The following MICU3 variants were observed in gnomAD, a reference collection of about 807,000 sequenced individuals.
The protein encoded by MICU3 is mitochondrial calcium uptake 3.
Under a neutral mutation model 66.5 loss-of-function variants are expected in MICU3, and 62 were observed. That is an observed-to-expected ratio of 0.93 (90% confidence interval 0.76 to 1.15). The LOEUF is 1.15. MICU3 is among the 50% of genes most tolerant of loss of function. MICU3 has a pLI of 0.00. For synonymous variants in MICU3, 308 were observed against 240.7 expected (o/e 1.28, Z -2.59); for missense variants, 779 against 664.4 (o/e 1.17, Z -1.90).
chr8:17,136,789 G>A, the MICU3 span, among the ~76,000 whole-genome samples: 1 of 151,946 alleles, frequency 6.6e-6, no homozygotes, highest in Non-Finnish European at 1.5e-5. Flanking sequence ...CAGTGCCGTG[G>A]TGCAGAGGCT....
intron 9 of MICU3, among the ~76,000 whole-genome samples, chr8:17,099,557 CTA>C (rs760640804): frequency 2.6e-5 from 4 of 151,656 alleles, no homozygotes; most frequent in Non-Finnish European, 5.9e-5. Context: ...GTATTTTGTC[CTA>C]TGTTTAATAT....
intron 1 of MICU3, among the ~76,000 whole-genome samples, chr8:17,047,690 T>A (rs533258193): frequency 6.6e-6 from 1 of 152,128 alleles, no homozygotes; most frequent in Admixed American, 6.5e-5. Flanking sequence ...TGAGAGAAAA[T>A]AACTGCCACT....
intron 8 of MICU3, among the ~76,000 whole-genome samples, chr8:17,096,978 TG>T (rs1800770361): frequency 1.3e-5 from 2 of 151,180 alleles, no homozygotes; most frequent in Admixed American, 6.6e-5. Context: ...TGTGTGTGTG[TG>T]TGTGTGTGTG....
chr8:17,051,803 T>C (rs564619659), intron 1 of MICU3, among the ~76,000 whole-genome samples: 11 of 151,824 alleles, frequency 7.2e-5, no homozygotes, highest in African/African-American at 2.7e-4. Context: ...CAAAAGAGAA[T>C]GAGAGGAAAT....
chr8:17,084,513 AGATC>A (rs1283829872), intron 5 of MICU3, among the ~76,000 whole-genome samples: 1 of 152,034 alleles, frequency 6.6e-6, no homozygotes, highest in Non-Finnish European at 1.5e-5. Context: ...TCAAAAGAAA[AGATC>A]CAGTGTTTTG....
chr8:17,105,237 G>A (rs1460738006), intron 10 of MICU3, among the ~76,000 whole-genome samples, 176 bp from the exon 11 acceptor site: 1 of 151,964 alleles, frequency 6.6e-6, no homozygotes, highest in Non-Finnish European at 1.5e-5. Context: ...TCATTAAGTA[G>A]TAAAGCGATC....
chr8:17,056,312 G>C (rs1379551690), intron 1 of MICU3, among the ~76,000 whole-genome samples: 2 of 151,992 alleles, frequency 1.3e-5, no homozygotes, highest in African/African-American at 4.8e-5. Context: ...TCTATTCCTG[G>C]CTGAGGTTCA....
intron 8 of MICU3, among the ~76,000 whole-genome samples, chr8:17,097,221 G>A (rs1296211622): frequency 6.6e-6 from 1 of 151,620 alleles, no homozygotes; most frequent in Non-Finnish European, 1.5e-5. Context: ...GATCTAGCTA[G>A]TATTTATTGA....
At chr8:17,052,185 A>G (rs561785128) in intron 1 of MICU3, among the ~76,000 whole-genome samples, 1 of 152,298 alleles carries the variant, frequency 6.6e-6, no homozygotes, top group South Asian at 2.1e-4. Flanking sequence ...CTACTATAAT[A>G]ATACAAGTAG....
intron 1 of MICU3, among the ~76,000 whole-genome samples, chr8:17,037,343 C>T (rs1202300257): frequency 1.3e-5 from 2 of 152,196 alleles, no homozygotes; most frequent in South Asian, 2.1e-4. Context: ...CGAGAGCGAG[C>T]GAGGACTGTG....
intron 1 of MICU3, among the ~76,000 whole-genome samples, chr8:17,048,504 C>T (rs1452103973): frequency 1.3e-5 from 2 of 152,130 alleles, no homozygotes; most frequent in Non-Finnish European, 2.9e-5. Flanking sequence ...AGACCCACCC[C>T]CATGATTCAG....
intron 4 of MICU3, among the ~76,000 whole-genome samples, chr8:17,080,152 G>A (rs545466743): frequency 6.6e-6 from 1 of 151,714 alleles, no homozygotes; most frequent in Non-Finnish European, 1.5e-5. Flanking sequence ...TATTCTGTTT[G>A]TATAATTGGA....
intron 1 of MICU3, among the ~76,000 whole-genome samples, chr8:17,046,888 T>G (rs1815189241): frequency 6.6e-6 from 1 of 151,876 alleles, no homozygotes; most frequent in Non-Finnish European, 1.5e-5. Flanking sequence ...GGGTTAGAAG[T>G]TACATTACCC....
At chr8:17,133,128 A>T in the MICU3 span, 2 of 152,256 alleles carry the variant, frequency 1.3e-5, no homozygotes, top group Non-Finnish European at 2.9e-5. Context: ...TTGTTATAGC[A>T]GCTGAAACAG....
At chr8:17,030,740 C>G (rs1811879958) in intron 1 of MICU3, among the ~76,000 whole-genome samples, 1 of 152,124 alleles carries the variant, frequency 6.6e-6, no homozygotes, top group African/African-American at 2.4e-5. Flanking sequence ...GCTTTTAGCC[C>G]AACTACTTAC....
chr8:17,094,129 T>G (rs960473393), intron 8 of MICU3, among the ~76,000 whole-genome samples: 2 of 151,994 alleles, frequency 1.3e-5, no homozygotes, highest in African/African-American at 4.8e-5. Context: ...TACCCCTTTT[T>G]GTACTTTATG....
At chr8:17,098,096 A>C (rs922227826) in intron 8 of MICU3, among the ~76,000 whole-genome samples, 24 of 151,948 alleles carry the variant, frequency 1.6e-4, no homozygotes, top group African/African-American at 5.8e-4. Flanking sequence ...AAAGTTACCA[A>C]AATTTTTCCC....
chr8:17,063,985 C>T (rs1818278665), intron 1 of MICU3, 99 bp from the exon 2 acceptor site: 3 of 781,496 alleles, frequency 3.8e-6, no homozygotes, highest in Middle Eastern at 2.6e-4. Context: ...CACACTTCCT[C>T]ATTTACTCTG....
the MICU3 span, among the ~76,000 whole-genome samples, chr8:17,138,078 G>C: frequency 0.44 from 66,430 of 151,740 alleles, 15,859 homozygotes; most frequent in East Asian, 0.93. Context: ...AATGGAGGAA[G>C]GAATATTAAG....
Sources: allele counts gnomAD v4.1 joint callset (sites outside exome capture counted in the v4.1 genomes callset), GRCh38; gene constraint gnomAD v4.1.1; transcripts MANE v1.5; gene names NCBI Gene and HGNC (gene_info 2026-07-23, HGNC 2026-07-21).